Variants in GANAB observed in about 807,000 individuals in gnomAD.
The protein encoded by GANAB is neutral alpha-glucosidase AB.
In GANAB, 35 loss-of-function variants were observed where a neutral mutation model predicts 129.9. The observed-to-expected ratio is 0.27, with a 90% CI of 0.21 to 0.36. The LOEUF is 0.36. Ranked by LOEUF, GANAB falls within the 10% of genes least tolerant of loss-of-function variation. The probability of loss-of-function intolerance (pLI) is 1.00; values close to 1 mark genes in which losing one functional copy is unlikely to be tolerated. For synonymous variants in GANAB, 482 were observed against 451.8 expected (o/e 1.07, Z -0.85); for missense variants, 939 against 1,221.0 (o/e 0.77, Z 3.44).
chr11:62,632,531 A>T (rs768158741), intron 9 of GANAB, 34 bp downstream of exon 9: 1 of 1,563,716 alleles, frequency 6.4e-7, no homozygotes, highest in East Asian at 2.2e-5. Context: ...TGGAAGCTTC[A>T]CTCCCTCCTT....
intron 17 of GANAB, among the ~76,000 whole-genome samples, chr11:62,627,624 C>G (rs540121284): frequency 1.3e-5 from 2 of 152,206 alleles, no homozygotes; most frequent in African/African-American, 4.8e-5. Flanking sequence ...CCCAGCTACT[C>G]AGGAGGCTGA....
intron 4 of GANAB, 150 bp downstream of exon 4, chr11:62,638,833 G>A (rs565804342): frequency 4.5e-5 from 30 of 665,384 alleles, no homozygotes; most frequent in East Asian, 3.7e-4. Context: ...TGAAACAGAA[G>A]AAGAGGTGGG....
In GANAB at chr11:62,626,985, C is replaced by CT. The variant is rs778004655; in HGVS notation, c.2323-52_2323-51insA. 4.5e-5 allele frequency: 71 copies of CT among 1,570,794 alleles called. No individual in the cohort carries two copies. In the African/African-American group the frequency reaches 9.0e-4, roughly 20 times the overall value. On this transcript the variant is annotated intron_variant, in intron 19 of 23. Coordinates refer to ENST00000356638, the MANE Select transcript of GANAB (RefSeq NM_198334.3). ...ACCGGATCACTCAGTGCACAGGGGTCCCGTCCTGTTTGCCTCCTTTGGCTT... is the reference window on the plus strand; with the variant it reads ...ACCGGATCACTCAGTGCACAGGGGTCTCCGTCCTGTTTGCCTCCTTTGGCTT...
intron 5 of GANAB, chr11:62,633,744 C>A (rs1299226385): frequency 1.7e-6 from 1 of 583,738 alleles, no homozygotes; most frequent in Non-Finnish European, 3.1e-6. Context: ...CCAGGAGGCA[C>A]AGGCCTGAAC....
In GANAB at chr11:62,633,012, C is replaced by T; in HGVS notation, c.808G>A (p.Val270Ile). The T allele has an allele frequency of 6.3e-7, 1 of 1,586,958 alleles. No homozygotes were observed. The highest frequency in any genetic ancestry group is 8.7e-7 in the Non-Finnish European group (1 of 1,155,358). Residue 270 changes from valine to isoleucine, a missense_variant, in exon 8 of 24, where the codon GTC becomes ATC. Coordinates refer to ENST00000356638, the MANE Select transcript of GANAB (RefSeq NM_198334.3). ...PEHADNLRLK[V>I]TEGGEPYRLY... ...TGTCACCATAGGACTCACTCAGTGA[C>T]CTTCAGCCTCAGGTTGTCTGCATGC...
Position 62,646,603 on chromosome 11 carries a change from G to C in GANAB, c.-4C>G, listed in dbSNP as rs777032585. 34 of 1,613,898 alleles carry C rather than the reference G, an allele frequency of 2.1e-5. No homozygotes were observed. The highest frequency in any genetic ancestry group is 2.5e-5 in the Non-Finnish European group (29 of 1,179,986). The stretch of plus-strand genomic sequence containing the variant: ...CCACTGCCGCTACCGCCGCCATCTT[G>C]TGCAGAGTTTGCTCCTTGACCCCAA... On this transcript the variant is annotated 5_prime_UTR_variant, in exon 1 of 24. Transcript: ENST00000356638.
chr11:62,641,479 C>T (rs1317745525), intron 1 of GANAB, among the ~76,000 whole-genome samples: 1 of 151,948 alleles, frequency 6.6e-6, no homozygotes, highest in East Asian at 1.9e-4. Flanking sequence ...CATCACTACC[C>T]AAAGCTGAAA....
chr11:62,641,769 G>A (rs549878482), intron 1 of GANAB, among the ~76,000 whole-genome samples: 11 of 151,178 alleles, frequency 7.3e-5, no homozygotes, highest in African/African-American at 2.4e-4. Context: ...TGGTAGAGAC[G>A]GAGTTTCACC....
intron 10 of GANAB, 56 bp downstream of exon 10, chr11:62,630,974 C>A: frequency 6.4e-7 from 1 of 1,560,522 alleles, no homozygotes; most frequent in Non-Finnish European, 8.8e-7. Flanking sequence ...TCTGAAAACA[C>A]ATAGAATCAC....
chr11:62,626,754 T>C, intron 20 of GANAB, 70 bp from the exon 21 acceptor site: 1 of 1,322,776 alleles, frequency 7.6e-7, no homozygotes, highest in Non-Finnish European at 1.1e-6. Context: ...CATGTTTTGC[T>C]TACTCATGTA....
chr11:62,626,423 G>C lies in GANAB; in HGVS notation c.2536C>G (p.Leu846Val). Residue 846 changes from leucine to valine, a missense_variant, in exon 22 of 24, where the codon CTG becomes GTG. Coordinates refer to ENST00000356638, the MANE Select transcript of GANAB (RefSeq NM_198334.3). ...TAGTTGAACGTGTGCCCATCATCCA[G>C]AAAGAGCTCTCCTTGAGCTGTACCC... The part of the protein sequence containing the change: ...PQGTAQGELF[L>V]DDGHTFNYQT... The C allele has an allele frequency of 6.2e-7, 1 of 1,612,806 alleles. No homozygotes were observed. Among genetic ancestry groups the C allele is most frequent in the East Asian group, 2.2e-5 (1 of 44,864 alleles).
chr11:62,634,814 T>G lies in GANAB; in HGVS notation c.560+7A>C. On this transcript the variant is annotated splice_region_variant and intron_variant, in intron 5 of 23. Transcript: ENST00000356638. ...AGGTTCCCTGCAGTCCCAACCCCTG[T>G]ACTCACGAGACCCTAGGGGCCCTCT... is the stretch of plus-strand genomic sequence containing the variant. 1 of 1,610,724 alleles carries G rather than the reference T, an allele frequency of 6.2e-7. No homozygotes were observed.
At chr11:62,636,492 A>G (rs1230484395) in intron 4 of GANAB, among the ~76,000 whole-genome samples, 1 of 151,888 alleles carries the variant, frequency 6.6e-6, no homozygotes, top group African/African-American at 2.4e-5. Context: ...AAGTAAATAA[A>G]TGAAAGCAAA....
intron 1 of GANAB, among the ~76,000 whole-genome samples, chr11:62,641,186 A>C (rs972999897): frequency 5.3e-5 from 8 of 151,726 alleles, no homozygotes; most frequent in Non-Finnish European, 7.4e-5. Flanking sequence ...TCTACTTAAA[A>C]TACAAAAATT....
chr11:62,640,832 CAAAA>C (rs36113826), intron 1 of GANAB, among the ~76,000 whole-genome samples: 1 of 74,768 alleles, frequency 1.3e-5, no homozygotes, highest in Non-Finnish European at 2.5e-5. Context: ...AACTCCCTCT[CAAAA>C]AAAAAAAAAA....
intron 1 of GANAB, chr11:62,640,007 G>C: frequency 2.8e-6 from 1 of 358,014 alleles, no homozygotes; most frequent in South Asian, 3.3e-5. Context: ...AGGCTGCGGC[G>C]GGCGGATCAC....
At position 62,630,583 on chromosome 11, in the gene GANAB, G is replaced by T. The variant is rs79188721; in HGVS notation, c.1386+18C>A. ...CAGCCCTACCCTGAGAAGACCAAGC[G>T]TGACTGCAACCCCTTACCTTCCGCC... On this transcript the variant is annotated intron_variant, in intron 11 of 23. Coordinates refer to ENST00000356638, the MANE Select transcript of GANAB (RefSeq NM_198334.3). 1 of 1,611,058 alleles carries T rather than the reference G, an allele frequency of 6.2e-7. No individual in the cohort carries two copies. The highest frequency in any genetic ancestry group is 8.5e-7 in the Non-Finnish European group (1 of 1,177,538).
intron 5 of GANAB, chr11:62,634,165 A>T: frequency 1.6e-6 from 1 of 608,902 alleles, no homozygotes; most frequent in Non-Finnish European, 3.0e-6. Flanking sequence ...CCAGGGTAAC[A>T]GGTAACAGGA....
At chr11:62,635,126 GACAAGTTAATAA>G (rs1943887074) in intron 4 of GANAB, 126 bp from the exon 5 acceptor site, 1 of 610,884 alleles carries the variant, frequency 1.6e-6, no homozygotes, top group East Asian at 2.7e-5. Context: ...AGCAGGGATA[GACAAGTTAATAA>G]ACAGAACCAA....
Sources: allele counts gnomAD v4.1 joint callset (sites outside exome capture counted in the v4.1 genomes callset), GRCh38; gene constraint gnomAD v4.1.1; transcripts MANE v1.5; gene names NCBI Gene and HGNC (gene_info 2026-07-23, HGNC 2026-07-21).